The following IKBKG variants were observed in gnomAD, a reference collection of about 807,000 sequenced individuals.
IKBKG encodes NF-kappa-B essential modulator.
Under a neutral mutation model 13.7 loss-of-function variants are expected in IKBKG, and 2 were observed. The observed-to-expected ratio is 0.15, with a 90% CI of 0.06 to 0.46. The LOEUF (loss-of-function observed/expected upper bound fraction) is 0.46. Among genes scored for constraint, IKBKG ranks in the 20% least tolerant of loss-of-function variants. The pLI is 0.98. For synonymous variants in IKBKG, 22 were observed against 64.4 expected (o/e 0.34, Z 3.15); for missense variants, 53 against 150.3 (o/e 0.35, Z 3.39).
At chrX:154,555,377 G>T (rs2148375343) in intron 2 of IKBKG, among the ~76,000 whole-genome samples, 1 of 111,768 alleles carries the variant, frequency 8.9e-6, no homozygotes, top group African/African-American at 3.3e-5. Context: ...ACCTCAGACT[G>T]ACCAGAATAC....
chrX:154,554,027 A>C (rs1414051078), intron 2 of IKBKG, among the ~76,000 whole-genome samples: 1 of 112,465 alleles, frequency 8.9e-6, no homozygotes, highest in East Asian at 2.8e-4. Context: ...AGGAGGCCTC[A>C]AGGCTGTATT....
upstream of IKBKG, among the ~76,000 whole-genome samples, chrX:154,542,969 T>C (rs1342672196): frequency 2.7e-5 from 3 of 112,101 alleles, no homozygotes; most frequent in Non-Finnish European, 5.6e-5. Context: ...GTCTGCTCAA[T>C]GAACGGAGAA....
upstream of IKBKG, chrX:154,546,688 T>A (rs1490025358): frequency 7.1e-6 from 5 of 702,577 alleles, no homozygotes; most frequent in Non-Finnish European, 1.0e-5. Flanking sequence ...TCGATTCTGC[T>A]CGGTTCTCAA....
Position 154,560,567 on chromosome X carries a change from A to AGCGGGG in IKBKG, c.671+15_671+20dup. 2.8e-6 allele frequency: 1 copy of AGCGGGG among 363,406 alleles called. No homozygotes were observed. Among genetic ancestry groups the AGCGGGG allele is most frequent in the Admixed American group, 5.6e-5 (1 of 17,730 alleles). 29.9% of individuals were successfully genotyped at this position (363,406 alleles called of 1,213,427 possible). A position where few individuals can be genotyped will look rare whatever the true frequency, so the allele number is the denominator to read the frequency against. ...GGCCGCCTCGGAGGAGAAGTGAGTC[A>AGCGGGG]GCGGGGGCGGGGCCGCACCGCAGGG... On this transcript the variant is annotated intron_variant, in intron 5 of 9. Coordinates refer to ENST00000594239, the MANE Select transcript of IKBKG (RefSeq NM_001099857.5).
chrX:154,545,168 T>C (rs781861211), upstream of IKBKG, among the ~76,000 whole-genome samples: 3 of 107,759 alleles, frequency 2.8e-5, no homozygotes, highest in South Asian at 1.3e-3. Context: ...TCCCCTCCCA[T>C]GGAAATCCTC....
upstream of IKBKG, chrX:154,545,904 C>G: frequency 1.3e-6 from 1 of 784,707 alleles, no homozygotes; most frequent in Non-Finnish European, 1.9e-6. Flanking sequence ...ATGATCCTGG[C>G]GCACTAGCAG....
In IKBKG at chrX:154,548,200, T is replaced by C. The variant is rs1457665176; in HGVS notation, c.-16+455T>C. 3 of 565,836 alleles carry C rather than the reference T, an allele frequency of 5.3e-6. No homozygotes were observed. In the African/African-American group the frequency reaches 7.6e-5, roughly 14 times the overall value. 46.6% of individuals were successfully genotyped at this position (565,836 alleles called of 1,213,427 possible). A position where few individuals can be genotyped will look rare whatever the true frequency, so the allele number is the denominator to read the frequency against. ...GGGCTCTCCTGGCACATTAGAGGAA[T>C]AGCACGGAGGTCACTATAGCTGGAG... On this transcript the variant is annotated intron_variant, in intron 1 of 9. Coordinates refer to ENST00000594239, the MANE Select transcript of IKBKG (RefSeq NM_001099857.5).
At chrX:154,547,814 G>C (rs2070793511) in intron 1 of IKBKG, 69 bp downstream of exon 1, 1 of 755,014 alleles carries the variant, frequency 1.3e-6, no homozygotes, top group Non-Finnish European at 1.6e-6. Context: ...ACTTCCCCCG[G>C]ACGTTCAGGC....
chrX:154,548,118 G>A lies in IKBKG; in HGVS notation c.-16+373G>A. 6.6e-6 allele frequency: 5 copies of A among 751,953 alleles called. No individual in the cohort carries two copies. In the South Asian group the frequency reaches 3.4e-4, roughly 51 times the overall value. 62.0% of individuals were successfully genotyped at this position (751,953 alleles called of 1,213,427 possible). On this transcript the variant is annotated intron_variant, in intron 1 of 9. Transcript: ENST00000594239. ...TCTGATTTCATATGCCTGTTTGCTC[G>A]TTTTGCAAGACAACATCTGCCTATC...
rs1435158578 is a variant in IKBKG, at chrX:154,554,193, A to G, written c.188-1972A>G. 2.7e-5 allele frequency among the ~76,000 whole-genome samples: 3 copies of G among 112,388 alleles called. No individual in the cohort carries two copies. In the Admixed American group the frequency reaches 2.8e-4, roughly 11 times the overall value. On this transcript the variant is annotated intron_variant, in intron 2 of 9. Coordinates refer to ENST00000594239, the MANE Select transcript of IKBKG (RefSeq NM_001099857.5). ...GTCCATGGAGGAGGCTGTACTTAGA[A>G]TGTTGAGGGAGAGATTCACGAAGAA...
rs2071127672 is a variant in IKBKG at position 154,560,550 on chromosome X, CGGA to C, written c.667_669del (p.Glu223del). On this transcript the variant is annotated inframe_deletion, in exon 5 of 10. Coordinates refer to ENST00000594239, the MANE Select transcript of IKBKG (RefSeq NM_001099857.5). ...CTCCGCATGGAGCGCCAGGCCGCCT[CGGA>C]GGAGAAGTGAGTCAGCGGGGGCGGG... 6 of 398,510 alleles carry C rather than the reference CGGA, an allele frequency of 1.5e-5. No homozygotes were observed. Among genetic ancestry groups the C allele is most frequent in the Admixed American group, 5.9e-5 (1 of 16,966 alleles). The allele number at this position is 398,510 out of a possible 1,213,427, so 32.8% of individuals were successfully genotyped here.
chrX:154,550,913 C>T (rs1034200803), intron 1 of IKBKG, among the ~76,000 whole-genome samples: 4 of 109,842 alleles, frequency 3.6e-5, no homozygotes, highest in Admixed American at 9.6e-5. Context: ...CCCGGGTTCA[C>T]GCCATTCTCC....
At chrX:154,546,479 CCAGGACCATCT>C (rs1320971630), upstream of IKBKG, among the ~76,000 whole-genome samples, 1 of 111,875 alleles carries the variant, frequency 8.9e-6, no homozygotes, top group Non-Finnish European at 1.9e-5. Context: ...AACTGCGTGC[CCAGGACCATCT>C]CATTCCCGAC....
intron 1 of IKBKG, among the ~76,000 whole-genome samples, chrX:154,549,999 G>A (rs782327528): frequency 2.6e-4 from 29 of 111,615 alleles, no homozygotes; most frequent in Non-Finnish European, 4.7e-4. Flanking sequence ...GCATTCATGT[G>A]GACACATGTG....
chrX:154,552,558 T>A (rs1236670586), intron 2 of IKBKG, among the ~76,000 whole-genome samples: 1 of 109,101 alleles, frequency 9.2e-6, no homozygotes, highest in Non-Finnish European at 1.9e-5. Flanking sequence ...GTGCTGTCCA[T>A]CCTGGGACAG....
chrX:154,546,253 C>T (rs2070711144), upstream of IKBKG: 7 of 1,117,003 alleles, frequency 6.3e-6, no homozygotes, highest in Non-Finnish European at 8.5e-6. Flanking sequence ...TGGGGTCTCA[C>T]ACCAGGGTGA....
rs2071139486 is a variant in IKBKG, at chrX:154,562,794, C to A, written c.769-16C>A. The A allele has an allele frequency of 3.4e-6, 1 of 292,204 alleles. No homozygotes were observed. Among genetic ancestry groups the A allele is most frequent in the Non-Finnish European group, 5.8e-6 (1 of 173,311 alleles). 24.1% of individuals were successfully genotyped at this position (292,204 alleles called of 1,213,427 possible). A position where few individuals can be genotyped will look rare whatever the true frequency, so the allele number is the denominator to read the frequency against. On this transcript the variant is annotated splice_polypyrimidine_tract_variant and intron_variant, in intron 6 of 9. Coordinates refer to ENST00000594239, the MANE Select transcript of IKBKG (RefSeq NM_001099857.5). ...GGGCTGACGAGGCTCCGTCAGCTCC[C>A]CTTGCCCGTCCTTAGGGAATGCAGC...
At chrX:154,552,687 G>C (rs1278269289) in intron 2 of IKBKG, among the ~76,000 whole-genome samples, 1 of 110,710 alleles carries the variant, frequency 9.0e-6, no homozygotes, top group Admixed American at 9.5e-5. Context: ...AGGAAGGTGC[G>C]TGGCCCCCAC....
chrX:154,547,715 C>G lies in IKBKG; in HGVS notation c.-46C>G. 1 of 755,225 alleles carries G rather than the reference C, an allele frequency of 1.3e-6. No individual in the cohort carries two copies. Among genetic ancestry groups the G allele is most frequent in the Non-Finnish European group, 1.6e-6 (1 of 639,531 alleles). The allele number at this position is 755,225 out of a possible 1,213,427, so 62.2% of individuals were successfully genotyped here. On this transcript the variant is annotated 5_prime_UTR_variant, in exon 1 of 10. Transcript: ENST00000594239. ...AGCGTTCACAGTCCGCCGCTCCCAC[C>G]CTTCTCACGTCTGACGGACTCTGCT...
Sources: gnomAD v4.1 joint callset for allele counts (sites outside exome capture counted in the v4.1 genomes callset) on GRCh38, gnomAD v4.1.1 for gene constraint, MANE v1.5 for transcripts, NCBI Gene and HGNC (gene_info 2026-07-23, HGNC 2026-07-21) for gene names.